The following ADAMTS16 variants were observed in gnomAD, a reference collection of about 807,000 sequenced individuals.
ADAMTS16 encodes A disintegrin and metalloproteinase with thrombospondin motifs 16.
A neutral mutation model predicts 145.8 loss-of-function variants in ADAMTS16; 94 were observed. The observed-to-expected ratio is 0.64, with a 90% CI of 0.55 to 0.77. The LOEUF (loss-of-function observed/expected upper bound fraction) is 0.77. ADAMTS16 is among the 30% of genes least tolerant of loss of function. ADAMTS16 has a pLI of 0.00. For synonymous variants in ADAMTS16, 659 were observed against 604.3 expected (o/e 1.09, Z -1.33); for missense variants, 1,585 against 1,591.5 (o/e 1.00, Z 0.07).
intron 3 of ADAMTS16, among the ~76,000 whole-genome samples, chr5:5,168,410 G>C (rs1734942546): frequency 7.2e-6 from 1 of 138,748 alleles, no homozygotes; most frequent in African/African-American, 2.7e-5. Context: ...TGGTTTGCGG[G>C]TGGTCATTCT....
At chr5:5,222,744 G>C (rs568564701) in intron 10 of ADAMTS16, 45 bp from the exon 11 acceptor site, 1 of 1,453,284 alleles carries the variant, frequency 6.9e-7, no homozygotes, top group South Asian at 1.1e-5. Flanking sequence ...TAGATGAATT[G>C]ACAATATGAT....
intron 11 of ADAMTS16, 81 bp downstream of exon 11, chr5:5,222,965 T>C: frequency 8.0e-7 from 1 of 1,255,956 alleles, no homozygotes; most frequent in Non-Finnish European, 1.2e-6. Flanking sequence ...CTTGCATAGG[T>C]ATTTTTAAAA....
Position 5,310,445 on chromosome 5 carries a change from T to C in ADAMTS16, c.3411+3717T>C, listed in dbSNP as rs1740378477. ...CCCGGGACCTCAGAATATAATCTTA[T>C]TGGAAATAGATGCAGATGTAATGAC... On this transcript the variant is annotated intron_variant, in intron 21 of 22. Transcript: ENST00000274181. The surrounding 1 kb of genome is among the most constrained non-coding windows in gnomAD (Gnocchi z 4.3). Among the ~76,000 whole-genome samples, 1 of 152,166 alleles carries C rather than the reference T, an allele frequency of 6.6e-6. No homozygotes were observed. Among genetic ancestry groups the C allele is most frequent in the Non-Finnish European group, 1.5e-5 (1 of 68,030 alleles).
In ADAMTS16 at chr5:5,318,151, G is replaced by C; in HGVS notation, c.3429G>C (p.Gly1143=). The C allele has an allele frequency of 3.3e-6, 5 of 1,495,520 alleles. No homozygotes were observed. The highest frequency in any genetic ancestry group is 4.5e-6 in the Non-Finnish European group (5 of 1,116,840). The allele number at this position is 1,495,520 out of a possible 1,614,324, so 92.6% of individuals were successfully genotyped here. A position where few individuals can be genotyped will look rare whatever the true frequency, so the allele number is the denominator to read the frequency against. The change falls in exon 22 of 23, where the codon GGG becomes GGC. Residue 1143 remains glycine, a synonymous_variant. Transcript: ENST00000274181. ...SPWSQCTASC[G]GGVQTRSVQC... is the part of the protein sequence containing the mutation. ...TCTCACAGTGCACGGCCAGCTGTGG[G>C]GGAGGCGTTCAGACGAGGTCCGTGC...
chr5:5,319,887 T>C lies in ADAMTS16; in HGVS notation c.*749T>C. The C allele has an allele frequency of 2.2e-6, 1 of 455,984 alleles. No homozygotes were observed. The highest frequency in any genetic ancestry group is 1.5e-5 in the South Asian group (1 of 64,536). 28.2% of individuals were successfully genotyped at this position (455,984 alleles called of 1,614,324 possible). A position where few individuals can be genotyped will look rare whatever the true frequency, so the allele number is the denominator to read the frequency against. On this transcript the variant is annotated 3_prime_UTR_variant, in exon 23 of 23. Transcript: ENST00000274181. ...CTTTATGTTTTATCTTTCTCAGTTA[T>C]TTGCAAGTGAGTGTCCTTTTAAAAA...
At chr5:5,164,024 C>T (rs567062530) in intron 3 of ADAMTS16, among the ~76,000 whole-genome samples, 47 of 152,246 alleles carry the variant, frequency 3.1e-4, no homozygotes, top group African/African-American at 9.4e-4. Context: ...CCACCCACAC[C>T]GGCTGAGGCA....
intron 10 of ADAMTS16, among the ~76,000 whole-genome samples, chr5:5,212,976 A>T (rs1736318650): frequency 6.6e-6 from 1 of 152,118 alleles, no homozygotes; most frequent in African/African-American, 2.4e-5. Context: ...TGCTTTAGAG[A>T]TTACCGCATG....
At position 5,303,717 on chromosome 5, in the gene ADAMTS16, G is replaced by A. The variant is rs753334863; in HGVS notation, c.3137G>A (p.Arg1046His). 3.1e-6 allele frequency: 5 copies of A among 1,613,232 alleles called. No individual in the cohort carries two copies. The highest frequency in any genetic ancestry group is 2.2e-5 in the East Asian group (1 of 44,880). Residue 1046 changes from arginine (R) to histidine (H), a missense_variant, in exon 20 of 23, where the codon CGC becomes CAC. Transcript: ENST00000274181. ...PRMHEACLLQ[R>H]CHKPKKLQWL... ...ATGCATGAAGCCTGTCTGCTTCAGC[G>A]CTGCCACAAGCCCAAGAAGCTGCAG... is the stretch of plus-strand genomic sequence containing the variant.
At chr5:5,257,253 A>T (rs1244507375) in intron 17 of ADAMTS16, among the ~76,000 whole-genome samples, 4 of 152,238 alleles carry the variant, frequency 2.6e-5, no homozygotes, top group African/African-American at 4.8e-5. Flanking sequence ...GGGGATAAGT[A>T]TTAGTTAATC....
intron 4 of ADAMTS16, 108 bp downstream of exon 4, chr5:5,182,413 T>C: frequency 7.1e-7 from 1 of 1,414,624 alleles, no homozygotes; most frequent in Non-Finnish European, 9.5e-7. Context: ...GGGTGAAATC[T>C]ATGGACTGTC....
At chr5:5,233,123 A>G (rs572097043) in intron 12 of ADAMTS16, among the ~76,000 whole-genome samples, 1 of 152,358 alleles carries the variant, frequency 6.6e-6, no homozygotes, top group South Asian at 2.1e-4. Context: ...CTTAAAACAA[A>G]TAAATAAATC....
rs764367334 is a variant in ADAMTS16, at chr5:5,303,327, G to A, written c.2849G>A (p.Arg950His). 14 of 1,604,348 alleles carry A rather than the reference G, an allele frequency of 8.7e-6. No homozygotes were observed. The highest frequency in any genetic ancestry group is 6.7e-5 in the East Asian group (3 of 44,642). The stretch of plus-strand genomic sequence containing the variant: ...ACGTGTGGCGGGGGTGCCCAGAGCC[G>A]CCCCGTGCAGTGCACACGGCGGGTG... ...SRTCGGGAQS[R>H]PVQCTRRVHY... Residue 950 changes from arginine to histidine, a missense_variant, in exon 19 of 23, where the codon CGC becomes CAC. By Grantham distance (29) the Arg-to-His change is conservative. Transcript: ENST00000274181.
At chr5:5,299,293 T>C (rs1247215210) in intron 18 of ADAMTS16, among the ~76,000 whole-genome samples, 1 of 152,178 alleles carries the variant, frequency 6.6e-6, no homozygotes, top group Non-Finnish European at 1.5e-5. Flanking sequence ...CAGGGAGACT[T>C]GCTGATGTGA....
intron 7 of ADAMTS16, among the ~76,000 whole-genome samples, chr5:5,191,471 T>C (rs1735661674): frequency 6.6e-6 from 1 of 152,104 alleles, no homozygotes; most frequent in African/African-American, 2.4e-5. Context: ...ATGAATTGTG[T>C]TCCACAATAC....
At chr5:5,161,715 C>T (rs1024610555) in intron 3 of ADAMTS16, among the ~76,000 whole-genome samples, 1 of 152,086 alleles carries the variant, frequency 6.6e-6, no homozygotes, top group African/African-American at 2.4e-5. Context: ...TCTTGTAGCC[C>T]ACATTCACAG....
chr5:5,286,159 C>A (rs1391508528), intron 18 of ADAMTS16, among the ~76,000 whole-genome samples: 1 of 152,172 alleles, frequency 6.6e-6, no homozygotes, highest in African/African-American at 2.4e-5. Flanking sequence ...TTAAATACAG[C>A]CTTTCTCTAC....
In ADAMTS16 at chr5:5,318,213, T is replaced by C. The variant is rs1734135611; in HGVS notation, c.3491T>C (p.Leu1164Pro). The C allele has an allele frequency of 3.2e-6, 5 of 1,571,734 alleles. No individual in the cohort carries two copies. The highest frequency in any genetic ancestry group is 4.3e-6 in the Non-Finnish European group (5 of 1,154,554). The change falls in exon 22 of 23, where the codon CTC becomes CCC. Residue 1164 changes from leucine to proline, a missense_variant. Physicochemically the swap from Leu to Pro is moderately conservative, Grantham distance 98. Coordinates refer to ENST00000274181, the MANE Select transcript of ADAMTS16 (RefSeq NM_139056.4). ...GGGGGCCGGCCGGCCTCAGGCTGCC[T>C]CCTGCACCAGAAGCCTTCGGCCTCC... The part of the protein sequence containing the change: ...LAGGRPASGC[L>P]LHQKPSASLA...
intron 3 of ADAMTS16, among the ~76,000 whole-genome samples, chr5:5,172,851 T>A (rs2126544791): frequency 6.6e-6 from 1 of 152,312 alleles, no homozygotes; most frequent in South Asian, 2.1e-4. Context: ...TTCATTGGGA[T>A]CTATTTCTCT....
rs535856678 is a variant in ADAMTS16, at chr5:5,310,153, C to T, written c.3411+3425C>T. Among the ~76,000 whole-genome samples the T allele has an allele frequency of 6.6e-6, 1 of 152,092 alleles. No individual in the cohort carries two copies. Among genetic ancestry groups the T allele is most frequent in the African/African-American group, 2.4e-5 (1 of 41,416 alleles). On this transcript the variant is annotated intron_variant, in intron 21 of 22. Transcript: ENST00000274181. This position sits in a 1 kb window ranked among gnomAD's most constrained non-coding sequence, Gnocchi z 4.3. ...CTGAGCTCAGCAGCCAAGCATCCCC[C>T]AAATGCTTGGTCAGATGGAACCATT...
Sources: gnomAD v4.1 joint callset for allele counts (sites outside exome capture counted in the v4.1 genomes callset) on GRCh38, gnomAD v4.1.1 for gene constraint, Gnocchi (gnomAD v3.1) non-coding constraint, MANE v1.5 for transcripts, NCBI Gene and HGNC (gene_info 2026-07-23, HGNC 2026-07-21) for gene names.